SH2B1: variants seen among roughly 807,000 people sequenced by gnomAD.
The protein encoded by SH2B1 is SH2B adaptor protein 1.
In SH2B1, 15 loss-of-function variants were observed where a neutral mutation model predicts 62.6. The observed-to-expected ratio is 0.24, with a 90% confidence interval of 0.16 to 0.37. The LOEUF (loss-of-function observed/expected upper bound fraction) is 0.37. SH2B1 is among the 10% of genes least tolerant of loss of function. The pLI, the probability that SH2B1 is intolerant of heterozygous loss-of-function variation, is 1.00. For missense variants in SH2B1, 925 were observed against 1,015.6 expected (o/e 0.91, Z 1.21); for synonymous variants, 443 against 438.0 (o/e 1.01, Z -0.14).
In SH2B1 at chr16:28,873,476, C is replaced by G. The variant is rs537270511; in HGVS notation, c.1927C>G (p.Pro643Ala). Reference protein sequence around the residue: ...EPTTSHDPPQPPEPPSWTDPP... With the variant: ...EPTTSHDPPQAPEPPSWTDPP... Reference sequence around the variant, plus strand: ...GACCACCTCCCATGACCCACCCCAGCCCCCTGAACCCCCTTCATGGACAGA... The same window carrying G: ...GACCACCTCCCATGACCCACCCCAGGCCCCTGAACCCCCTTCATGGACAGA... Residue 643 changes from proline to alanine, a missense_variant, in exon 8 of 8, where the codon CCC becomes GCC. By Grantham distance (27) the Pro-to-Ala change is conservative (BLOSUM62 -1). This residue lies in a region of SH2B1 where 185 missense variants were observed against 189.5 expected (regional missense o/e 0.98). Coordinates refer to ENST00000684370, the MANE Select transcript of SH2B1 (RefSeq NM_001387430.1). The surrounding 1 kb of genome is among the most constrained non-coding windows in gnomAD (Gnocchi z 4.2). 2.6e-6 allele frequency: 4 copies of G among 1,564,660 alleles called. No homozygotes were observed. Among genetic ancestry groups the G allele is most frequent in the South Asian group, 2.4e-5 (2 of 84,936 alleles).
At chr16:28,863,646 C>T, upstream of SH2B1, 3 of 1,526,200 alleles carry the variant, frequency 2.0e-6, no homozygotes, top group South Asian at 1.2e-5. Context: ...ACTTCCCCCG[C>T]TGCGTCTGTG....
chr16:28,868,405 G>A (rs1475725822), intron 2 of SH2B1, among the ~76,000 whole-genome samples: 1 of 152,040 alleles, frequency 6.6e-6, no homozygotes, highest in East Asian at 1.9e-4. Context: ...CTCCCAAAGT[G>A]CTGGGATTAT....
chr16:28,869,972 A>G (rs939288513), intron 4 of SH2B1, among the ~76,000 whole-genome samples: 1 of 152,220 alleles, frequency 6.6e-6, no homozygotes, highest in Non-Finnish European at 1.5e-5. Flanking sequence ...CACATGAATC[A>G]TGGAATCTTA....
chr16:28,867,299 A>G, intron 1 of SH2B1, 32 bp from the exon 2 acceptor site: 1 of 1,545,434 alleles, frequency 6.5e-7, no homozygotes, highest in Non-Finnish European at 8.9e-7. Context: ...TGGAAACCAA[A>G]CACCCAGATC....
At chr16:28,868,758 G>A (rs1437181192) in intron 2 of SH2B1, among the ~76,000 whole-genome samples, 3 of 151,136 alleles carry the variant, frequency 2.0e-5, no homozygotes, top group Non-Finnish European at 4.4e-5. Flanking sequence ...ACCCGGCCTC[G>A]CCTTATTTTA....
At chr16:28,854,522 G>A (rs925869891) in intron 1 of SH2B1, among the ~76,000 whole-genome samples, 13 of 151,858 alleles carry the variant, frequency 8.6e-5, no homozygotes, top group Non-Finnish European at 1.3e-4. Flanking sequence ...TTAGGAGGCC[G>A]AGGAGGGTGG....
Position 28,873,755 on chromosome 16 carries a change from C to T in SH2B1, c.2206C>T (p.Leu736=). ...PPMVQLQQSP[L]GGDGEEGGHP... ...AATGGTGCAGCTGCAGCAGTCACCA[C>T]TAGGGGGTGATGGAGAGGAAGGGGG... Residue 736 remains leucine, a synonymous_variant, in exon 8 of 8, where the codon CTA becomes TTA. Transcript: ENST00000684370. The surrounding 1 kb of genome is among the most constrained non-coding windows in gnomAD (Gnocchi z 4.2). 1 of 1,480,008 alleles carries T rather than the reference C, an allele frequency of 6.8e-7. No homozygotes were observed. The highest frequency in any genetic ancestry group is 1.4e-5 in the South Asian group (1 of 71,880). 91.7% of individuals were successfully genotyped at this position (1,480,008 alleles called of 1,614,324 possible). A position where few individuals can be genotyped will look rare whatever the true frequency, so the allele number is the denominator to read the frequency against.
At position 28,871,601 on chromosome 16, in the gene SH2B1, G is replaced by A. The variant is rs558832769; in HGVS notation, c.1310-179G>A. On this transcript the variant is annotated intron_variant, in intron 4 of 7. Coordinates refer to ENST00000684370, the MANE Select transcript of SH2B1 (RefSeq NM_001387430.1). ...AATAACTCTGCAGTCCCTCAGCAGCGCAGGAAGCATCAGTTAGGAGCCATT... is the reference window on the plus strand; with the variant it reads ...AATAACTCTGCAGTCCCTCAGCAGCACAGGAAGCATCAGTTAGGAGCCATT... 9.2e-5 allele frequency among the ~76,000 whole-genome samples: 14 copies of A among 152,294 alleles called. No homozygotes were observed. The South Asian group carries it at 2.7e-3, about 29-fold the overall frequency.
At position 28,863,889 on chromosome 16, in the gene SH2B1, C is replaced by T. The variant is rs1003539697; in HGVS notation, c.-2206C>T. ...GCGTAGTGGGTGGGGGCGCAGGGAG[C>T]GGGAGCCGCCGCCGCCGCCGCCGCC... is the stretch of plus-strand genomic sequence containing the variant. On this transcript the variant is annotated 5_prime_UTR_variant, in exon 1 of 8. Coordinates refer to ENST00000684370, the MANE Select transcript of SH2B1 (RefSeq NM_001387430.1). 12 of 1,487,468 alleles carry T rather than the reference C, an allele frequency of 8.1e-6. No individual in the cohort carries two copies. The highest frequency in any genetic ancestry group is 1.5e-5 in the African/African-American group (1 of 68,460). The allele number at this position is 1,487,468 out of a possible 1,614,324, so 92.1% of individuals were successfully genotyped here.
Position 28,866,585 on chromosome 16 carries a change from G to A in SH2B1, c.491G>A (p.Gly164Asp). The A allele has an allele frequency of 3.7e-6, 6 of 1,614,054 alleles. No individual in the cohort carries two copies. The highest frequency in any genetic ancestry group is 5.1e-6 in the Non-Finnish European group (6 of 1,180,032). ...SLRSVGRSVR[G>D]SVRGILQWRG... ...CGTTCAGTGGGTCGCTCTGTCCGAGGCTCAGTCCGTGGCATCCTGCAGTGG... is the reference window on the plus strand; with the variant it reads ...CGTTCAGTGGGTCGCTCTGTCCGAGACTCAGTCCGTGGCATCCTGCAGTGG... The change falls in exon 1 of 8, where the codon GGC (glycine) becomes GAC (aspartate). Residue 164 changes from glycine (G) to aspartate (D), a missense_variant. Gly to Asp is a moderately conservative substitution (Grantham distance 94, BLOSUM62 -1). Coordinates refer to ENST00000684370, the MANE Select transcript of SH2B1 (RefSeq NM_001387430.1). This position sits in a 1 kb window ranked among gnomAD's most constrained non-coding sequence, Gnocchi z 6.3.
chr16:28,864,248 G>T lies in SH2B1; in HGVS notation c.-1847G>T. 1 of 1,013,204 alleles carries T rather than the reference G, an allele frequency of 9.9e-7. No homozygotes were observed. The highest frequency in any genetic ancestry group is 3.8e-5 in the South Asian group (1 of 26,318). 62.8% of individuals were successfully genotyped at this position (1,013,204 alleles called of 1,614,324 possible). On this transcript the variant is annotated 5_prime_UTR_variant, in exon 1 of 8. Coordinates refer to ENST00000684370, the MANE Select transcript of SH2B1 (RefSeq NM_001387430.1). ...ACCTCCCGCCCTTCGGGAAATATCAGAACTGAGCCAGGAGGCAGGTGCACC... is the reference window on the plus strand; with the variant it reads ...ACCTCCCGCCCTTCGGGAAATATCATAACTGAGCCAGGAGGCAGGTGCACC...
At chr16:28,849,277 G>C (rs1251891995) in intron 1 of SH2B1, among the ~76,000 whole-genome samples, 2 of 151,666 alleles carry the variant, frequency 1.3e-5, no homozygotes, top group Non-Finnish European at 2.9e-5. Context: ...TGTATTTTTT[G>C]TAGAGATGGG....
chr16:28,852,785 C>CATATATATGT lies in SH2B1; in HGVS notation c.-301+5966_-301+5967insGTATATATAT, dbSNP rs1211653870. On this transcript the variant is annotated intron_variant, in intron 1 of 10. Transcript: ENST00000322610. The stretch of plus-strand genomic sequence containing the variant: ...ATATATATATTTATATATATATTTA[C>CATATATATGT]ATATATATTTACATATATATTTACA... 7.2e-5 allele frequency among the ~76,000 whole-genome samples: 3 copies of CATATATATGT among 41,664 alleles called. 1 individual carries two copies. Among genetic ancestry groups the CATATATATGT allele is most frequent in the South Asian group, 5.5e-4 (1 of 1,832 alleles). 27.3% of individuals were successfully genotyped at this position (41,664 alleles called of 152,430 possible).
At chr16:28,870,573 G>A (rs1962970722) in intron 4 of SH2B1, among the ~76,000 whole-genome samples, 1 of 152,132 alleles carries the variant, frequency 6.6e-6, no homozygotes, top group East Asian at 1.9e-4. Context: ...AGTAATAGAA[G>A]GAGCATCTTT....
chr16:28,852,439 T>TTTATATATTTAC (rs1962149906), intron 1 of SH2B1, among the ~76,000 whole-genome samples: 1 of 49,900 alleles, frequency 2.0e-5, no homozygotes, highest in Non-Finnish European at 3.6e-5. Flanking sequence ...TATATATTTA[T>TTTATATATTTAC]ATATATATTT....
chr16:28,858,915 GC>G (rs1279638600), upstream of SH2B1, among the ~76,000 whole-genome samples: 1 of 148,914 alleles, frequency 6.7e-6, no homozygotes, highest in Non-Finnish European at 1.5e-5. Flanking sequence ...CTGCACTCCA[GC>G]CTGGGTGACA....
Position 28,864,478 on chromosome 16 carries a change from C to G in SH2B1, c.-1617C>G. ...CCCGTGCTCCATGACTCCTGCATCTCCTGATTGTTTCTCGTTGGTTTGGAG... is the reference window on the plus strand; with the variant it reads ...CCCGTGCTCCATGACTCCTGCATCTGCTGATTGTTTCTCGTTGGTTTGGAG... On this transcript the variant is annotated 5_prime_UTR_variant, in exon 1 of 8. Transcript: ENST00000684370. The G allele has an allele frequency of 3.0e-6, 3 of 985,716 alleles. No individual in the cohort carries two copies. The highest frequency in any genetic ancestry group is 3.6e-6 in the Non-Finnish European group (3 of 830,076). The allele number at this position is 985,716 out of a possible 1,614,324, so 61.1% of individuals were successfully genotyped here. A position where few individuals can be genotyped will look rare whatever the true frequency, so the allele number is the denominator to read the frequency against.
In SH2B1 at chr16:28,866,311, C is replaced by G. The variant is rs765617625; in HGVS notation, c.217C>G (p.Leu73Val). The change falls in exon 1 of 8, where the codon CTG becomes GTG. Residue 73 changes from leucine to valine, a missense_variant. Leu to Val is a conservative substitution (Grantham distance 32). Around this residue, in one of 3 missense-constraint regions of SH2B1, gnomAD observed 683 missense variants for 704.0 expected, o/e 0.97. Coordinates refer to ENST00000684370, the MANE Select transcript of SH2B1 (RefSeq NM_001387430.1). The surrounding 1 kb of genome is among the most constrained non-coding windows in gnomAD (Gnocchi z 6.3). ...CTCCCGCCGTTTTGCTGAGCTCTTC[C>G]TGCAGCACTTTGAAGCCGAGGTGGC... The part of the protein sequence containing the change: ...AFSRRFAELF[L>V]QHFEAEVARA... 15 of 1,611,632 alleles carry G rather than the reference C, an allele frequency of 9.3e-6. No individual in the cohort carries two copies. The highest frequency in any genetic ancestry group is 1.3e-5 in the Non-Finnish European group (15 of 1,179,546).
rs535735814 is a variant in SH2B1, at chr16:28,853,012, A to AT, written c.-301+6188dup. On this transcript the variant is annotated intron_variant, in intron 1 of 10. Transcript: ENST00000322610. ...TATGTACATATATATGTACATATAT[A>AT]TTTATATATGTACATATATATGTAC... Among the ~76,000 whole-genome samples the AT allele has an allele frequency of 6.0e-5, 4 of 66,690 alleles. 1 individual carries two copies. The highest frequency in any genetic ancestry group is 2.9e-4 in the African/African-American group (3 of 10,244). The allele number at this position is 66,690 out of a possible 152,430, so 43.8% of individuals were successfully genotyped here. A position where few individuals can be genotyped will look rare whatever the true frequency, so the allele number is the denominator to read the frequency against.
Sources: gnomAD v4.1 joint callset for allele counts (sites outside exome capture counted in the v4.1 genomes callset) on GRCh38, gnomAD v4.1.1 for gene constraint, gnomAD v4.1.1 regional missense constraint, Gnocchi (gnomAD v3.1) non-coding constraint, MANE v1.5 for transcripts, NCBI Gene and HGNC (gene_info 2026-07-23, HGNC 2026-07-21) for gene names.